DENND11: variants seen among roughly 807,000 people sequenced by gnomAD.
The protein encoded by DENND11 is DENN domain-containing protein 11.
A neutral mutation model predicts 49.2 loss-of-function variants in DENND11; 34 were observed. That is an observed-to-expected ratio of 0.69 (90% CI 0.53 to 0.92). The LOEUF (loss-of-function observed/expected upper bound fraction) is 0.92, where lower values mean the gene tolerates loss of function less well. Among genes scored for constraint, DENND11 ranks in the 40% least tolerant of loss-of-function variants. DENND11 has a pLI of 0.00. For missense variants in DENND11, 475 were observed against 581.6 expected (o/e 0.82, Z 1.88); for synonymous variants, 238 against 230.3 (o/e 1.03, Z -0.30).
chr7:141,685,985 A>G (rs1347715041), intron 2 of DENND11, among the ~76,000 whole-genome samples: 1 of 152,220 alleles, frequency 6.6e-6, no homozygotes, highest in Non-Finnish European at 1.5e-5. Flanking sequence ...TCTCTTTCGT[A>G]GCATAAACCA....
At chr7:141,665,089 C>A (rs1401890519) in intron 6 of DENND11, 35 bp from the exon 7 acceptor site, 2 of 1,610,904 alleles carry the variant, frequency 1.2e-6, no homozygotes, top group Non-Finnish European at 1.7e-6. Flanking sequence ...TGGGAACCCA[C>A]CCGACCCCAC....
At position 141,665,293 on chromosome 7, in the gene DENND11, G is replaced by C; in HGVS notation, c.846C>G (p.Asn282Lys). Residue 282 changes from asparagine (N) to lysine (K), a missense_variant, in exon 6 of 9, where the codon AAC (asparagine) becomes AAG (lysine). Coordinates refer to ENST00000536163, the MANE Select transcript of DENND11 (RefSeq NM_001080392.2). ...YRVYCCCCLA[N>K]VSLPGIGGTI... is the part of the protein sequence containing the mutation. ...TGCCCCCGATGCCAGGCAGTGAAAC[G>C]TTGGCCAAGCAGCAGCAGCAGTACA... 1.9e-6 allele frequency: 3 copies of C among 1,613,890 alleles called. No homozygotes were observed. The highest frequency in any genetic ancestry group is 2.5e-6 in the Non-Finnish European group (3 of 1,179,868).
chr7:141,694,053 T>C (rs1227928502), intron 1 of DENND11, among the ~76,000 whole-genome samples: 1 of 152,190 alleles, frequency 6.6e-6, no homozygotes, highest in Non-Finnish European at 1.5e-5. Flanking sequence ...AAAGGGAAAT[T>C]ATATGTGTAT....
At chr7:141,670,747 G>T (rs899585870) in intron 4 of DENND11, among the ~76,000 whole-genome samples, 1 of 152,214 alleles carries the variant, frequency 6.6e-6, no homozygotes, top group Non-Finnish European at 1.5e-5. Flanking sequence ...AGGACTGTTG[G>T]CTGGGTTGCC....
At chr7:141,695,387 T>C (rs1462877516) in intron 1 of DENND11, among the ~76,000 whole-genome samples, 1 of 150,422 alleles carries the variant, frequency 6.6e-6, no homozygotes, top group Non-Finnish European at 1.5e-5. Flanking sequence ...TAAAGGACTT[T>C]GCAAAAGCCA....
At chr7:141,695,227 A>G (rs1798395235) in intron 1 of DENND11, among the ~76,000 whole-genome samples, 2 of 152,188 alleles carry the variant, frequency 1.3e-5, no homozygotes, top group African/African-American at 4.8e-5. Context: ...GTAAGAATAA[A>G]GCAAATGGGG....
intron 1 of DENND11, among the ~76,000 whole-genome samples, chr7:141,687,631 ATTTT>A (rs36080710): frequency 3.5e-5 from 4 of 112,822 alleles, no homozygotes. Flanking sequence ...CACTCGGCTA[ATTTT>A]TTTTTTTTTT....
At chr7:141,667,202 TG>T (rs1797909351) in intron 4 of DENND11, among the ~76,000 whole-genome samples, 1 of 152,184 alleles carries the variant, frequency 6.6e-6, no homozygotes, top group African/African-American at 2.4e-5. Context: ...ATTACAGGCG[TG>T]AGCCACCACG....
chr7:141,681,528 T>C (rs116029652), intron 3 of DENND11, among the ~76,000 whole-genome samples: 1,603 of 152,164 alleles, frequency 0.011, 27 homozygotes, highest in African/African-American at 0.037. Flanking sequence ...AAGGAAGTTA[T>C]TATGAAAATG....
In DENND11 at chr7:141,662,767, A is replaced by G. The variant is rs757278083; in HGVS notation, c.1257T>C (p.His419=). The change falls in exon 9 of 9, where the codon CAT becomes CAC. Residue 419 remains histidine, a synonymous_variant. Transcript: ENST00000536163. Reference sequence around the variant, plus strand: ...GGGGGTCTAGGCCCATGCCCCGGGCATGCTCTGCTGTCAGAGTTTTGTCTT... The same window carrying G: ...GGGGGTCTAGGCCCATGCCCCGGGCGTGCTCTGCTGTCAGAGTTTTGTCTT... ...ASQDKTLTAE[H]ARGMGLDPQG... The G allele has an allele frequency of 6.2e-7, 1 of 1,609,506 alleles. No individual in the cohort carries two copies. Among genetic ancestry groups the G allele is most frequent in the Non-Finnish European group, 8.5e-7 (1 of 1,177,986 alleles).
intron 1 of DENND11, among the ~76,000 whole-genome samples, chr7:141,687,631 ATTTTT>A (rs36080710): frequency 8.9e-6 from 1 of 112,824 alleles, no homozygotes; most frequent in Admixed American, 1.1e-4. Flanking sequence ...CACTCGGCTA[ATTTTT>A]TTTTTTTTTT....
chr7:141,671,840 A>G (rs1797986008), intron 4 of DENND11, among the ~76,000 whole-genome samples: 2 of 152,206 alleles, frequency 1.3e-5, no homozygotes, highest in African/African-American at 4.8e-5. Context: ...ATGGCCCTCT[A>G]ACGATTTCTT....
At chr7:141,665,385 G>A in intron 5 of DENND11, 67 bp from the exon 6 acceptor site, 1 of 1,589,714 alleles carries the variant, frequency 6.3e-7, no homozygotes, top group Non-Finnish European at 8.6e-7. Flanking sequence ...CTCGGAGCCT[G>A]CGGCTCAACA....
At chr7:141,690,438 A>G (rs1261957296) in intron 1 of DENND11, among the ~76,000 whole-genome samples, 1 of 152,064 alleles carries the variant, frequency 6.6e-6, no homozygotes, top group African/African-American at 2.4e-5. Context: ...TTCCTTCATA[A>G]CTGTCTGCCC....
intron 8 of DENND11, chr7:141,663,182 C>T (rs574835916): frequency 4.9e-4 from 115 of 232,706 alleles, no homozygotes; most frequent in African/African-American, 2.5e-3. Flanking sequence ...TTCTCTCTTT[C>T]TGCTTAGTCA....
chr7:141,680,293 AC>A (rs1554409616), intron 3 of DENND11, among the ~76,000 whole-genome samples: 1 of 118,990 alleles, frequency 8.4e-6, no homozygotes, highest in Non-Finnish European at 1.8e-5. Flanking sequence ...GTGCAAAACA[AC>A]ACAAATAACA....
chr7:141,679,196 C>T (rs1798111182), intron 3 of DENND11, among the ~76,000 whole-genome samples: 1 of 152,156 alleles, frequency 6.6e-6, no homozygotes, highest in Non-Finnish European at 1.5e-5. Context: ...TCATACAAGT[C>T]TCTTCTCTTA....
chr7:141,685,012 CAA>C (rs869107786), intron 3 of DENND11, among the ~76,000 whole-genome samples: 107 of 40,234 alleles, frequency 2.7e-3, no homozygotes, highest in African/African-American at 5.1e-3. Flanking sequence ...CTGTCTCTAC[CAA>C]AAAAAAAAAA....
At chr7:141,694,108 A>C (rs887938136) in intron 1 of DENND11, among the ~76,000 whole-genome samples, 1 of 152,204 alleles carries the variant, frequency 6.6e-6, no homozygotes, top group Non-Finnish European at 1.5e-5. Context: ...CTTTCTGCTC[A>C]ATTTTTCTGT....
Sources: gnomAD v4.1 joint callset for allele counts (sites outside exome capture counted in the v4.1 genomes callset) on GRCh38, gnomAD v4.1.1 for gene constraint, MANE v1.5 for transcripts, NCBI Gene and HGNC (gene_info 2026-07-23, HGNC 2026-07-21) for gene names.